LACTB: variants seen among roughly 807,000 people sequenced by gnomAD.
The protein encoded by LACTB is lactamase beta.
In LACTB, 35 loss-of-function variants were observed where a neutral mutation model predicts 50.2. The ratio of observed to expected loss-of-function variants is 0.70; its 90% CI spans 0.53 to 0.92. LACTB has a LOEUF of 0.92. LACTB is among the 40% of genes least tolerant of loss of function. LACTB has a pLI of 0.00. For missense variants in LACTB, 664 were observed against 691.8 expected, an observed-to-expected ratio of 0.96 and a Z score of 0.45; for synonymous variants, 252 against 268.2, an observed-to-expected ratio of 0.94 and a Z score of 0.59.
intron 1 of LACTB, 123 bp downstream of exon 1, chr15:63,122,351 C>G: frequency 2.3e-6 from 2 of 876,626 alleles, no homozygotes; most frequent in Admixed American, 3.0e-5. Flanking sequence ...CCGAGAAAGA[C>G]TTCCCATTTC....
chr15:63,139,233 G>A (rs1238739513), intron 5 of LACTB, among the ~76,000 whole-genome samples: 1 of 150,066 alleles, frequency 6.7e-6, no homozygotes, highest in Non-Finnish European at 1.5e-5. Flanking sequence ...GGGCATAGTG[G>A]TGCATGCCTG....
chr15:63,139,762 T>G (rs542697950), intron 5 of LACTB, among the ~76,000 whole-genome samples: 56 of 151,920 alleles, frequency 3.7e-4, no homozygotes, highest in African/African-American at 1.3e-3. Context: ...TGCAGCCTGG[T>G]CAACAGAGCA....
chr15:63,133,015 T>C (rs888579877), intron 5 of LACTB, among the ~76,000 whole-genome samples: 1 of 152,188 alleles, frequency 6.6e-6, no homozygotes, highest in African/African-American at 2.4e-5. Context: ...ATATAAACTA[T>C]CAAGTTGAAG....
Position 63,142,038 on chromosome 15 carries a change from G to T in LACTB, c.*233G>T. 3 of 397,570 alleles carry T rather than the reference G, an allele frequency of 7.5e-6. No individual in the cohort carries two copies. The highest frequency in any genetic ancestry group is 5.2e-5 in the South Asian group (1 of 19,292). 24.6% of individuals were successfully genotyped at this position (397,570 alleles called of 1,614,324 possible). A position where few individuals can be genotyped will look rare whatever the true frequency, so the allele number is the denominator to read the frequency against. On this transcript the variant is annotated 3_prime_UTR_variant, in exon 6 of 6. Transcript: ENST00000261893. ...CTTTTTGAAAAAAGTGTTAACTCTT[G>T]AAATAAAATATTCTGATAAAATATG...
At chr15:63,131,954 CA>C (rs150663457) in intron 5 of LACTB, among the ~76,000 whole-genome samples, 2,649 of 135,708 alleles carry the variant, frequency 0.02, 64 homozygotes, top group African/African-American at 0.062. Context: ...CCGCCCCCAA[CA>C]AAAAAAAAAA....
Position 63,122,244 on chromosome 15 carries a change from CG to C in LACTB, c.357+22del. 13 of 1,534,428 alleles carry C rather than the reference CG, an allele frequency of 8.5e-6. No individual in the cohort carries two copies. The highest frequency in any genetic ancestry group is 2.0e-5 in the Admixed American group (1 of 50,182). Reference sequence around the variant, plus strand: ...CAGGATCAAGGTGCGGCCACTGGAGCGGGGGGCGTAGGGGGCCGGGGATCCA... The same window carrying C: ...CAGGATCAAGGTGCGGCCACTGGAGCGGGGGCGTAGGGGGCCGGGGATCCA... On this transcript the variant is annotated intron_variant, in intron 1 of 5. Coordinates refer to ENST00000261893, the MANE Select transcript of LACTB (RefSeq NM_032857.5).
chr15:63,129,362 G>T, intron 4 of LACTB, 123 bp from the exon 5 acceptor site: 1 of 855,074 alleles, frequency 1.2e-6, no homozygotes, highest in Non-Finnish European at 1.7e-6. Flanking sequence ...TTCTTTTTCT[G>T]AATGCTGAAG....
intron 5 of LACTB, chr15:63,130,884 T>C (rs2037123501): frequency 6.6e-6 from 1 of 152,268 alleles, no homozygotes; most frequent in Non-Finnish European, 1.5e-5. Context: ...AACTTTCTAC[T>C]AGTTTTAGCA....
rs994505528 is a variant in LACTB, at chr15:63,126,904, A to C, written c.470A>C (p.Glu157Ala). 5.0e-6 allele frequency: 8 copies of C among 1,612,664 alleles called. No homozygotes were observed. Among genetic ancestry groups the C allele is most frequent in the Non-Finnish European group, 6.8e-6 (8 of 1,179,218 alleles). ...GAGAACCGTGTACCATGTAAACCAG[A>C]GACAGTTATGCGAATTGCTAGCATC... ...DVENRVPCKP[E>A]TVMRIASISK... Residue 157 changes from glutamate to alanine, a missense_variant, in exon 3 of 6, where the codon GAG becomes GCG. Physicochemically the swap from Glu to Ala is moderately radical, Grantham distance 107. Coordinates refer to ENST00000261893, the MANE Select transcript of LACTB (RefSeq NM_032857.5).
chr15:63,122,648 G>C lies in LACTB; in HGVS notation c.370G>C (p.Ala124Pro). The C allele has an allele frequency of 6.2e-7, 1 of 1,613,240 alleles. No individual in the cohort carries two copies. Among genetic ancestry groups the C allele is most frequent in the African/African-American group, 1.3e-5 (1 of 75,012 alleles). Residue 124 changes from alanine (A) to proline (P), a missense_variant, in exon 2 of 6, where the codon GCA becomes CCA. Physicochemically the swap from Ala to Pro is conservative, Grantham distance 27 (BLOSUM62 -1). Transcript: ENST00000261893. ...CCTTCGGTCTTAGGATGAGGTGGGC[G>C]CACCGGGCATAGTGGTTGGAGTTTC... ...LLHRIKDEVG[A>P]PGIVVGVSVD...
chr15:63,129,480 T>A lies in LACTB; in HGVS notation c.953-5T>A. The A allele has an allele frequency of 1.3e-6, 2 of 1,578,448 alleles. No individual in the cohort carries two copies. The highest frequency in any genetic ancestry group is 4.6e-5 in the East Asian group (2 of 43,728). ...TTTTTTTCCTCCTCGCAATGATGTC[T>A]CAAGGTAGTCAGTTTTTGTATTCAA... On this transcript the variant is annotated splice_polypyrimidine_tract_variant and splice_region_variant and intron_variant, in intron 4 of 5. Coordinates refer to ENST00000261893, the MANE Select transcript of LACTB (RefSeq NM_032857.5).
intron 5 of LACTB, among the ~76,000 whole-genome samples, chr15:63,133,840 A>G (rs545738294): frequency 2.0e-4 from 30 of 152,354 alleles, no homozygotes; most frequent in Middle Eastern, 3.4e-3. Flanking sequence ...TTTGAGACAC[A>G]GTATTAGCAA....
chr15:63,137,104 G>A lies in LACTB; in HGVS notation c.1119-4176G>A, dbSNP rs544978393. ...GAGGCAAGAGAATTGTTTTTAACTGGATATGTTGTTGTCTTGAATAAAATT... is the reference window on the plus strand; with the variant it reads ...GAGGCAAGAGAATTGTTTTTAACTGAATATGTTGTTGTCTTGAATAAAATT... On this transcript the variant is annotated intron_variant, in intron 5 of 5. Coordinates refer to ENST00000261893, the MANE Select transcript of LACTB (RefSeq NM_032857.5). 1.4e-4 allele frequency among the ~76,000 whole-genome samples: 21 copies of A among 152,312 alleles called. 1 individual carries two copies. In the South Asian group the frequency reaches 4.1e-3, roughly 30 times the overall value.
chr15:63,129,836 C>A, intron 5 of LACTB, 186 bp downstream of exon 5: 1 of 676,656 alleles, frequency 1.5e-6, no homozygotes. Flanking sequence ...TACACTAAGA[C>A]CCTTTGATGA....
intron 5 of LACTB, among the ~76,000 whole-genome samples, chr15:63,135,551 G>C (rs894935153): frequency 6.6e-6 from 1 of 152,090 alleles, no homozygotes; most frequent in African/African-American, 2.4e-5. Context: ...GTGAAACCCT[G>C]TCAGACAATA....
rs751809066 is a variant in LACTB at position 63,141,488 on chromosome 15, A to C, written c.1327A>C (p.Met443Leu). Residue 443 changes from methionine (M) to leucine (L), a missense_variant, in exon 6 of 6, where the codon ATG becomes CTG. Transcript: ENST00000261893. ...CCTCAAACCAGAAACAATGGTTATG[A>C]TGTGGACCCCAGTCCCTAACACAGA... ...GYLKPETMVM[M>L]WTPVPNTEMS... The C allele has an allele frequency of 6.2e-7, 1 of 1,614,208 alleles. No homozygotes were observed. Among genetic ancestry groups the C allele is most frequent in the South Asian group, 1.1e-5 (1 of 91,090 alleles).
chr15:63,131,545 A>G (rs2141074337), intron 5 of LACTB: 3 of 152,326 alleles, frequency 2.0e-5, no homozygotes, highest in Admixed American at 2.0e-4. Context: ...GCCACATACT[A>G]TACCACATAA....
At chr15:63,122,582 G>A in intron 1 of LACTB, 54 bp from the exon 2 acceptor site, 2 of 1,396,614 alleles carry the variant, frequency 1.4e-6, no homozygotes. Flanking sequence ...CGAGGAGAGC[G>A]CTGGGCTTTT....
chr15:63,122,050 T>A lies in LACTB; in HGVS notation c.179T>A (p.Leu60Gln). Residue 60 changes from leucine to glutamine, a missense_variant, in exon 1 of 6, where the codon CTG becomes CAG. By Grantham distance (113) the Leu-to-Gln change is moderately radical (BLOSUM62 -2). Transcript: ENST00000261893. ...LALGVKLAGG[L>Q]RGAAPAQSPA... is the part of the protein sequence containing the mutation. ...CTCGGGGTGAAGCTGGCAGGTGGGC[T>A]GAGGGGCGCGGCCCCGGCGCAGTCC... 7.0e-7 allele frequency: 1 copy of A among 1,427,152 alleles called. No homozygotes were observed. The highest frequency in any genetic ancestry group is 9.1e-7 in the Non-Finnish European group (1 of 1,099,370). 88.4% of individuals were successfully genotyped at this position (1,427,152 alleles called of 1,614,324 possible). A position where few individuals can be genotyped will look rare whatever the true frequency, so the allele number is the denominator to read the frequency against.
Sources: gnomAD v4.1 joint callset for allele counts (sites outside exome capture counted in the v4.1 genomes callset) on GRCh38, gnomAD v4.1.1 for gene constraint, MANE v1.5 for transcripts, NCBI Gene and HGNC (gene_info 2026-07-23, HGNC 2026-07-21) for gene names.